USP7: variants seen among roughly 807,000 people sequenced by gnomAD.
USP7 encodes the protein ubiquitin specific peptidase 7.
Under a neutral mutation model 162.9 loss-of-function variants are expected in USP7, and 9 were observed. That is an observed-to-expected ratio of 0.06 (90% CI 0.03 to 0.10). The LOEUF is 0.10. USP7 is among the 10% of genes least tolerant of loss of function. The pLI is 1.00. For synonymous variants in USP7, 562 were observed against 475.9 expected (o/e 1.18, Z -2.35); for missense variants, 715 against 1,373.7 (o/e 0.52, Z 7.58).
chr16:8,925,795 A>ACACTT (rs2141220516), intron 2 of USP7, among the ~76,000 whole-genome samples: 1 of 152,328 alleles, frequency 6.6e-6, no homozygotes, highest in South Asian at 2.1e-4. Context: ...AGTTTAGATG[A>ACACTT]CACTTCGGGT....
In USP7 at chr16:8,898,252, G is replaced by A. The variant is rs982835598; in HGVS notation, c.2718+108C>T. The A allele has an allele frequency of 1.5e-5, 14 of 963,166 alleles. No individual in the cohort carries two copies. The South Asian group carries it at 2.2e-4, about 15-fold the overall frequency. 59.7% of individuals were successfully genotyped at this position (963,166 alleles called of 1,614,324 possible). On this transcript the variant is annotated intron_variant, in intron 25 of 30. Coordinates refer to ENST00000344836, the MANE Select transcript of USP7 (RefSeq NM_003470.3). ...CCCCCAGCCCCCATCATGTGCTGTT[G>A]TTTAGAGTGTTTTTCTGTGGTGTCT...
chr16:8,955,704 C>CAAAAAAAAAAAAAAA (rs58029349), intron 1 of USP7, among the ~76,000 whole-genome samples: 1 of 100,974 alleles, frequency 9.9e-6, no homozygotes, highest in Non-Finnish European at 1.9e-5. Flanking sequence ...GATTCCATCT[C>CAAAAAAAAAAAAAAA]AAAAAAAAAA....
In USP7 at chr16:8,963,188, GC is replaced by G; in HGVS notation, c.79+18del. On this transcript the variant is annotated intron_variant, in intron 1 of 30. Transcript: ENST00000344836. ...AAAGGCGCCCCCCGGCCCCGCCGCGGCCGGCCCTCGGGCCTCACCTTCCATC... is the reference window on the plus strand; with the variant it reads ...AAAGGCGCCCCCCGGCCCCGCCGCGGCGGCCCTCGGGCCTCACCTTCCATC... The G allele has an allele frequency of 7.1e-7, 1 of 1,403,638 alleles. No homozygotes were observed. 86.9% of individuals were successfully genotyped at this position (1,403,638 alleles called of 1,614,324 possible).
chr16:8,893,694 A>C lies in USP7; in HGVS notation c.*304T>G. 1 of 336,446 alleles carries C rather than the reference A, an allele frequency of 3.0e-6. No individual in the cohort carries two copies. The highest frequency in any genetic ancestry group is 5.7e-6 in the Non-Finnish European group (1 of 173,982). The allele number at this position is 336,446 out of a possible 1,614,324, so 20.8% of individuals were successfully genotyped here. A position where few individuals can be genotyped will look rare whatever the true frequency, so the allele number is the denominator to read the frequency against. The stretch of plus-strand genomic sequence containing the variant: ...CACTAGGGACAGCCCAGAGACCTTG[A>C]GCCAGGGACCCCCGATCCACTAACC... On this transcript the variant is annotated 3_prime_UTR_variant, in exon 31 of 31. Coordinates refer to ENST00000344836, the MANE Select transcript of USP7 (RefSeq NM_003470.3).
chr16:8,903,254 G>T lies in USP7; in HGVS notation c.1839+14C>A. ...GGAGCCACGGTGGGGTATATCCACG[G>T]GACCGGTACGCACCATGGTCTGAGA... On this transcript the variant is annotated intron_variant, in intron 16 of 30. Transcript: ENST00000344836. 1 of 1,607,654 alleles carries T rather than the reference G, an allele frequency of 6.2e-7. No individual in the cohort carries two copies. Among genetic ancestry groups the T allele is most frequent in the Non-Finnish European group, 8.5e-7 (1 of 1,176,400 alleles).
intron 1 of USP7, among the ~76,000 whole-genome samples, chr16:8,953,317 A>C (rs1483697130): frequency 6.6e-6 from 1 of 152,096 alleles, no homozygotes; most frequent in Non-Finnish European, 1.5e-5. Context: ...GGTAGAGTTG[A>C]GACCATAACC....
chr16:8,927,216 G>C (rs529858297), intron 2 of USP7, among the ~76,000 whole-genome samples: 27 of 151,990 alleles, frequency 1.8e-4, no homozygotes, highest in Non-Finnish European at 8.8e-5. Context: ...CAGCTGCCTG[G>C]GAGGCTGAGG....
intron 1 of USP7, among the ~76,000 whole-genome samples, chr16:8,932,775 A>C (rs1898442356): frequency 6.6e-6 from 1 of 152,124 alleles, no homozygotes; most frequent in African/African-American, 2.4e-5. Flanking sequence ...GCAAGAAGGG[A>C]ATGGGGCTGG....
chr16:8,947,073 A>C (rs1415130439), intron 1 of USP7, among the ~76,000 whole-genome samples: 1 of 152,156 alleles, frequency 6.6e-6, no homozygotes. Flanking sequence ...CAAAAAGGCT[A>C]CTAAAGCATT....
chr16:8,958,170 C>T (rs1426138144), intron 1 of USP7, among the ~76,000 whole-genome samples: 1 of 152,230 alleles, frequency 6.6e-6, no homozygotes, highest in East Asian at 1.9e-4. Context: ...CACCCCAATG[C>T]CCATCCCACC....
Position 8,892,462 on chromosome 16 carries a change from T to A in USP7, c.*1536A>T, listed in dbSNP as rs1033601241. The A allele has an allele frequency of 6.6e-6, 1 of 152,124 alleles. No individual in the cohort carries two copies. Among genetic ancestry groups the A allele is most frequent in the African/African-American group, 2.4e-5 (1 of 41,408 alleles). The allele number at this position is 152,124 out of a possible 1,614,324, so 9.4% of individuals were successfully genotyped here. A position where few individuals can be genotyped will look rare whatever the true frequency, so the allele number is the denominator to read the frequency against. On this transcript the variant is annotated 3_prime_UTR_variant, in exon 31 of 31. Coordinates refer to ENST00000344836, the MANE Select transcript of USP7 (RefSeq NM_003470.3). The stretch of plus-strand genomic sequence containing the variant: ...CTGGAAGGCAAGGCCGATGGGACGG[T>A]GCAAGGACCACGCCCACGATAGCGC...
intron 21 of USP7, among the ~76,000 whole-genome samples, 177 bp downstream of exon 21, chr16:8,900,353 T>C (rs1295850930): frequency 2.6e-5 from 4 of 152,284 alleles, no homozygotes; most frequent in Non-Finnish European, 5.9e-5. Context: ...CTTTATGAGA[T>C]GAAAATGTTC....
At chr16:8,926,547 G>T (rs1898008590) in intron 2 of USP7, among the ~76,000 whole-genome samples, 1 of 152,190 alleles carries the variant, frequency 6.6e-6, no homozygotes, top group African/African-American at 2.4e-5. Context: ...AGCTTTCACA[G>T]ATACGGCCAG....
intron 21 of USP7, chr16:8,899,997 A>G (rs564679847): frequency 1.7e-6 from 1 of 581,624 alleles, no homozygotes; most frequent in South Asian, 2.1e-5. Context: ...TCCCACTACA[A>G]AACAAAACCC....
chr16:8,911,816 G>C (rs1260597405), intron 10 of USP7, among the ~76,000 whole-genome samples: 4 of 152,208 alleles, frequency 2.6e-5, no homozygotes, highest in African/African-American at 9.7e-5. Context: ...GTGAACTCGA[G>C]GAAATTACCT....
At chr16:8,907,635 C>T (rs2061881297) in intron 12 of USP7, among the ~76,000 whole-genome samples, 1 of 152,086 alleles carries the variant, frequency 6.6e-6, no homozygotes, top group Non-Finnish European at 1.5e-5. Context: ...GCCGGCAGAT[C>T]ACTTGAGACC....
intron 1 of USP7, among the ~76,000 whole-genome samples, chr16:8,948,491 T>G (rs544515609): frequency 6.6e-6 from 1 of 152,186 alleles, no homozygotes; most frequent in Admixed American, 6.6e-5. Context: ...GGCCCCCAGT[T>G]AACTCAACTT....
At position 8,900,422 on chromosome 16, in the gene USP7, A is replaced by G. The variant is rs531197835; in HGVS notation, c.2309+108T>C. On this transcript the variant is annotated intron_variant, in intron 21 of 30. Coordinates refer to ENST00000344836, the MANE Select transcript of USP7 (RefSeq NM_003470.3). ...CTCAACAGTTACATTAAAAAAAACA[A>G]AAACAAAAACGTGGCTCGGGATCTA... is the stretch of plus-strand genomic sequence containing the variant. 32 of 780,708 alleles carry G rather than the reference A, an allele frequency of 4.1e-5. No homozygotes were observed. In the East Asian group the frequency reaches 9.1e-4, roughly 22 times the overall value. The allele number at this position is 780,708 out of a possible 1,614,324, so 48.4% of individuals were successfully genotyped here.
chr16:8,917,282 T>G (rs1897423517), intron 6 of USP7, 126 bp from the exon 7 acceptor site: 1 of 1,190,852 alleles, frequency 8.4e-7, no homozygotes, highest in East Asian at 2.7e-5. Flanking sequence ...AGGTTGTTGT[T>G]AGGGCTTTTA....
Sources: allele counts gnomAD v4.1 joint callset (sites outside exome capture counted in the v4.1 genomes callset), GRCh38; gene constraint gnomAD v4.1.1; transcripts MANE v1.5; gene names NCBI Gene and HGNC (gene_info 2026-07-23, HGNC 2026-07-21).